Variants in LRP1B observed in about 807,000 individuals in gnomAD.
LRP1B encodes LDL receptor related protein 1B, also known as low-density lipoprotein receptor-related protein 1B.
A neutral mutation model predicts 556.6 loss-of-function variants in LRP1B; 217 were observed. The ratio of observed to expected loss-of-function variants is 0.39; its 90% CI spans 0.35 to 0.44. LRP1B has a LOEUF of 0.44. LRP1B is among the 20% of genes least tolerant of loss of function. The pLI, the probability that LRP1B is intolerant of heterozygous loss-of-function variation, is 1.00. For synonymous variants in LRP1B, 2,047 were observed against 1,865.8 expected (o/e 1.10, Z -2.50); for missense variants, 5,053 against 5,620.8 (o/e 0.90, Z 3.23).
chr2:141,464,598 A>ATTTTTTTTTTTTTTT, intron 3 of LRP1B, among the ~76,000 whole-genome samples: 1 of 73,282 alleles, frequency 1.4e-5, no homozygotes, highest in African/African-American at 5.3e-5. Context: ...ATATATATAT[A>ATTTTTTTTTTTTTTT]TATATATATT....
At chr2:141,415,631 C>A (rs1201057099) in intron 3 of LRP1B, among the ~76,000 whole-genome samples, 2 of 152,088 alleles carry the variant, frequency 1.3e-5, no homozygotes, top group African/African-American at 4.8e-5. Flanking sequence ...AGAAGTTAGT[C>A]TTTGATTCTC....
chr2:140,316,594 A>G (rs1684528565), intron 82 of LRP1B, among the ~76,000 whole-genome samples: 1 of 152,152 alleles, frequency 6.6e-6, no homozygotes, highest in Non-Finnish European at 1.5e-5. Flanking sequence ...TGGTATAATG[A>G]GACCCGTGTA....
rs923001048 is a variant in LRP1B, at chr2:141,871,400, A to G, written c.83-60999T>C. Among the ~76,000 whole-genome samples, 6 of 152,164 alleles carry G rather than the reference A, an allele frequency of 3.9e-5. No homozygotes were observed. In the East Asian group the frequency reaches 1.2e-3, roughly 29 times the overall value. On this transcript the variant is annotated intron_variant, in intron 1 of 90. Coordinates refer to ENST00000389484, the MANE Select transcript of LRP1B (RefSeq NM_018557.3). ...GCATTGCATTATTTACTAAGTGAAC[A>G]TGACTGAGTTTCTTTACTGTTTTTA...
chr2:142,104,725 G>GA (rs2104976025), intron 1 of LRP1B, among the ~76,000 whole-genome samples: 1 of 152,200 alleles, frequency 6.6e-6, no homozygotes, highest in Non-Finnish European at 1.5e-5. Context: ...CTCATTCCAG[G>GA]AAATAGTAAC....
intron 1 of LRP1B, among the ~76,000 whole-genome samples, chr2:141,869,030 G>C (rs760691363): frequency 1.3e-5 from 2 of 152,016 alleles, no homozygotes; most frequent in African/African-American, 2.4e-5. Flanking sequence ...CCTTGAAGGA[G>C]GCAAGAAAAT....
intron 43 of LRP1B, among the ~76,000 whole-genome samples, chr2:140,544,348 A>G (rs1486838038): frequency 6.6e-6 from 1 of 151,920 alleles, no homozygotes; most frequent in East Asian, 1.9e-4. Flanking sequence ...TCAGGGATAT[A>G]TGTGCAAGTT....
intron 2 of LRP1B, among the ~76,000 whole-genome samples, chr2:141,778,731 C>G (rs895317394): frequency 1.3e-5 from 2 of 152,216 alleles, no homozygotes; most frequent in African/African-American, 4.8e-5. Context: ...CTTGGAACTT[C>G]TCTTCCTTGC....
chr2:140,430,961 CTT>C (rs1456051981), intron 66 of LRP1B, among the ~76,000 whole-genome samples: 1 of 152,196 alleles, frequency 6.6e-6, no homozygotes, highest in African/African-American at 2.4e-5. Flanking sequence ...TAAAATACCT[CTT>C]AGTCTAGGTA....
intron 1 of LRP1B, among the ~76,000 whole-genome samples, chr2:142,023,956 T>C (rs980656920): frequency 1.3e-5 from 2 of 152,244 alleles, no homozygotes; most frequent in Admixed American, 6.5e-5. Flanking sequence ...CTTTTATGTA[T>C]GTATTTTGAG....
intron 7 of LRP1B, among the ~76,000 whole-genome samples, chr2:141,067,439 G>T (rs995648485): frequency 2.0e-5 from 3 of 151,896 alleles, no homozygotes; most frequent in African/African-American, 7.2e-5. Context: ...AATCTCTCTT[G>T]TACTTGGTTT....
chr2:140,781,837 C>T (rs962086974), intron 32 of LRP1B, among the ~76,000 whole-genome samples: 2 of 152,176 alleles, frequency 1.3e-5, no homozygotes, highest in African/African-American at 2.4e-5. Flanking sequence ...TCTAAGGCTC[C>T]TCTACAGATA....
intron 21 of LRP1B, among the ~76,000 whole-genome samples, chr2:140,918,721 A>G (rs1393464259): frequency 6.6e-6 from 1 of 152,066 alleles, no homozygotes; most frequent in African/African-American, 2.4e-5. Context: ...GTGTGATGGT[A>G]TTGGGAGGTT....
At chr2:140,236,678 G>A (rs1680716199) in intron 89 of LRP1B, among the ~76,000 whole-genome samples, 1 of 150,814 alleles carries the variant, frequency 6.6e-6, no homozygotes, top group Non-Finnish European at 1.5e-5. Context: ...TATTATGACA[G>A]ATAGAAAAAT....
At chr2:141,909,539 T>A (rs982434654) in intron 1 of LRP1B, among the ~76,000 whole-genome samples, 18 of 49,074 alleles carry the variant, frequency 3.7e-4, no homozygotes, top group East Asian at 8.0e-4. Context: ...TTTTTTTTTT[T>A]TTTTTTTTTT....
intron 82 of LRP1B, 116 bp from the exon 83 acceptor site, chr2:140,315,215 A>G (rs1442987233): frequency 3.0e-6 from 2 of 655,828 alleles, no homozygotes; most frequent in East Asian, 3.0e-5. Context: ...AAAATAATTA[A>G]CCCCAAGTAC....
intron 2 of LRP1B, among the ~76,000 whole-genome samples, chr2:141,538,460 A>C (rs1334696320): frequency 6.6e-6 from 1 of 151,820 alleles, no homozygotes; most frequent in Non-Finnish European, 1.5e-5. Context: ...CCAAATCATC[A>C]CTCATTATTC....
intron 2 of LRP1B, among the ~76,000 whole-genome samples, chr2:141,643,726 C>T (rs1689431528): frequency 6.6e-6 from 1 of 152,032 alleles, no homozygotes; most frequent in Admixed American, 6.6e-5. Context: ...ACAAGAGTAT[C>T]TCTGGTGGTT....
At chr2:140,431,740 C>G (rs7571508) in intron 66 of LRP1B, among the ~76,000 whole-genome samples, 19,199 of 152,052 alleles carry the variant, frequency 0.13, 1,345 homozygotes, top group African/African-American at 0.17. Context: ...AAAACTGTAT[C>G]CAGGCCATGA....
intron 66 of LRP1B, 103 bp downstream of exon 66, chr2:140,442,401 G>C (rs1278091562): frequency 7.0e-7 from 1 of 1,422,580 alleles, no homozygotes; most frequent in Non-Finnish European, 9.5e-7. Flanking sequence ...TTTCAGGTAA[G>C]ACCTTAGCTT....
Sources: gnomAD v4.1 joint callset for allele counts (sites outside exome capture counted in the v4.1 genomes callset) on GRCh38, gnomAD v4.1.1 for gene constraint, MANE v1.5 for transcripts, NCBI Gene and HGNC (gene_info 2026-07-23, HGNC 2026-07-21) for gene names.